FKBP9: variants seen among roughly 807,000 people sequenced by gnomAD.
The protein encoded by FKBP9 is FKBP prolyl isomerase 9, also known as peptidyl-prolyl cis-trans isomerase FKBP9.
A neutral mutation model predicts 55.6 loss-of-function variants in FKBP9; 27 were observed. The observed-to-expected ratio is 0.49, with a 90% CI of 0.36 to 0.67. The LOEUF is 0.67. Ranked by LOEUF, FKBP9 falls within the 30% of genes least tolerant of loss-of-function variation. FKBP9 has a pLI of 0.00. For missense variants in FKBP9, 539 were observed against 742.8 expected, an observed-to-expected ratio of 0.73 and a Z score of 3.19; for synonymous variants, 267 against 296.5, an observed-to-expected ratio of 0.90 and a Z score of 1.02.
intron 5 of FKBP9, among the ~76,000 whole-genome samples, chr7:32,985,898 C>G (rs1784565256): frequency 6.6e-6 from 1 of 152,136 alleles, no homozygotes. Flanking sequence ...GAGGCTGAGG[C>G]AGGAGAATCG....
At chr7:33,004,516 G>A (rs1041992469) in intron 9 of FKBP9, among the ~76,000 whole-genome samples, 30 of 152,008 alleles carry the variant, frequency 2.0e-4, no homozygotes, top group African/African-American at 7.0e-4. Flanking sequence ...TAACTTGTTC[G>A]GTCCTTTCCT....
At chr7:32,996,943 C>T (rs1360219487) in intron 7 of FKBP9, among the ~76,000 whole-genome samples, 3 of 150,994 alleles carry the variant, frequency 2.0e-5, no homozygotes, top group Non-Finnish European at 4.4e-5. Context: ...TACAGGCACC[C>T]GCCACCGCGC....
chr7:32,996,359 A>G lies in FKBP9; in HGVS notation c.1226+10A>G. Reference sequence around the variant, plus strand: ...CCCTGCTGGACTCCACGTAAGGGCAACCAGAATGGTGTGGGAGTGAGCCTG... The same window carrying G: ...CCCTGCTGGACTCCACGTAAGGGCAGCCAGAATGGTGTGGGAGTGAGCCTG... On this transcript the variant is annotated intron_variant, in intron 7 of 9. Transcript: ENST00000242209. 6 of 1,608,150 alleles carry G rather than the reference A, an allele frequency of 3.7e-6. No homozygotes were observed. In the African/African-American group the frequency reaches 5.3e-5, roughly 14 times the overall value.
At chr7:32,981,828 C>T (rs545301230) in intron 5 of FKBP9, among the ~76,000 whole-genome samples, 17 of 147,286 alleles carry the variant, frequency 1.2e-4, no homozygotes, top group African/African-American at 1.5e-4. Flanking sequence ...ACCCAGGAGG[C>T]GGAGGTTGCA....
chr7:32,962,676 C>G (rs2127975895), intron 1 of FKBP9, among the ~76,000 whole-genome samples: 1 of 151,950 alleles, frequency 6.6e-6, no homozygotes, highest in Non-Finnish European at 1.5e-5. Flanking sequence ...GTTTCGCCAC[C>G]TTGGCCAGGC....
Position 33,005,486 on chromosome 7 carries a change from G to C in FKBP9, c.*135G>C, listed in dbSNP as rs1785018816. 1.1e-6 allele frequency: 1 copy of C among 890,334 alleles called. No homozygotes were observed. The highest frequency in any genetic ancestry group is 1.7e-5 in the African/African-American group (1 of 59,542). 55.2% of individuals were successfully genotyped at this position (890,334 alleles called of 1,614,324 possible). On this transcript the variant is annotated 3_prime_UTR_variant, in exon 10 of 10. Coordinates refer to ENST00000242209, the MANE Select transcript of FKBP9 (RefSeq NM_007270.5). ...TAGTAGGTGGGTCACATAGTACCTG[G>C]TGTACACATCGGGGTGGGTTGATAT...
At chr7:32,981,826 G>A (rs534148873) in intron 5 of FKBP9, among the ~76,000 whole-genome samples, 7 of 150,696 alleles carry the variant, frequency 4.6e-5, no homozygotes, top group Non-Finnish European at 1.0e-4. Flanking sequence ...GAACCCAGGA[G>A]GCGGAGGTTG....
chr7:32,986,592 G>C (rs1241551601), intron 5 of FKBP9, among the ~76,000 whole-genome samples: 2 of 152,222 alleles, frequency 1.3e-5, no homozygotes, highest in Non-Finnish European at 2.9e-5. Flanking sequence ...GGGTGGGAAG[G>C]GGGACTCACA....
intron 4 of FKBP9, among the ~76,000 whole-genome samples, chr7:32,978,958 A>G (rs1210512956): frequency 6.6e-6 from 1 of 152,206 alleles, no homozygotes; most frequent in Non-Finnish European, 1.5e-5. Flanking sequence ...CATTTAGTAC[A>G]CATTAATGCT....
rs530978268 is a variant in FKBP9 at position 32,992,574 on chromosome 7, G to T, written c.1040-3589G>T. On this transcript the variant is annotated intron_variant, in intron 6 of 9. Coordinates refer to ENST00000242209, the MANE Select transcript of FKBP9 (RefSeq NM_007270.5). The stretch of plus-strand genomic sequence containing the variant: ...GAGCCACGTTGGACTATTTCTGCCC[G>T]TTTGCTGGTCAGCACTCATTTCTAT... 3 of 178,438 alleles carry T rather than the reference G, an allele frequency of 1.7e-5. No homozygotes were observed. The East Asian group carries it at 2.8e-4, about 17-fold the overall frequency. The allele number at this position is 178,438 out of a possible 1,614,324, so 11.1% of individuals were successfully genotyped here. A position where few individuals can be genotyped will look rare whatever the true frequency, so the allele number is the denominator to read the frequency against.
intron 4 of FKBP9, 29 bp downstream of exon 4, chr7:32,976,528 C>G (rs1171264587): frequency 1.3e-6 from 2 of 1,560,382 alleles, no homozygotes; most frequent in Admixed American, 2.0e-5. Context: ...TGGAGCCACT[C>G]TTTCCTACCC....
Position 32,994,267 on chromosome 7 carries a change from G to A in FKBP9, c.1040-1896G>A, listed in dbSNP as rs148173914. Among the ~76,000 whole-genome samples the A allele has an allele frequency of 4.4e-3, 664 of 152,156 alleles. 2 individuals are homozygous for A. Among genetic ancestry groups the A allele is most frequent in the African/African-American group, 0.015 (635 of 41,514 alleles). ...GTCCTCATCCATCCACTTCCCCCAC[G>A]CTGGCAACAGGTAGTCTATTTCTTG... On this transcript the variant is annotated intron_variant, in intron 6 of 9. Coordinates refer to ENST00000242209, the MANE Select transcript of FKBP9 (RefSeq NM_007270.5).
At chr7:32,968,107 C>T (rs1784182846) in intron 1 of FKBP9, among the ~76,000 whole-genome samples, 1 of 152,186 alleles carries the variant, frequency 6.6e-6, no homozygotes, top group Non-Finnish European at 1.5e-5. Flanking sequence ...GGCATGATCA[C>T]AGCTTACTGC....
intron 6 of FKBP9, chr7:32,989,171 C>T (rs1784635579): frequency 6.6e-6 from 1 of 151,694 alleles, no homozygotes; most frequent in African/African-American, 2.4e-5. Flanking sequence ...GTGCAAAAGC[C>T]CCTCTTTGGT....
intron 7 of FKBP9, among the ~76,000 whole-genome samples, chr7:32,997,907 T>C (rs1252209801): frequency 6.6e-6 from 1 of 152,206 alleles, no homozygotes; most frequent in Non-Finnish European, 1.5e-5. Flanking sequence ...TGTATGCTAA[T>C]GCATTTAATG....
At chr7:32,958,079 C>T (rs887020319) in intron 1 of FKBP9, among the ~76,000 whole-genome samples, 11 of 152,188 alleles carry the variant, frequency 7.2e-5, no homozygotes, top group Non-Finnish European at 1.6e-4. Flanking sequence ...CATGGACACA[C>T]GCAAAATCAG....
intron 6 of FKBP9, 135 bp downstream of exon 6, chr7:32,988,787 T>C: frequency 2.4e-6 from 2 of 834,094 alleles, no homozygotes; most frequent in Non-Finnish European, 3.7e-6. Flanking sequence ...GAAAGTGTAG[T>C]GTGTGATCAT....
chr7:32,957,728 G>T lies in FKBP9; in HGVS notation c.155G>T (p.Arg52Leu), dbSNP rs536465127. The T allele has an allele frequency of 7.9e-6, 12 of 1,523,518 alleles. No homozygotes were observed. The African/African-American group carries it at 1.3e-4, about 16-fold the overall frequency. 94.4% of individuals were successfully genotyped at this position (1,523,518 alleles called of 1,614,324 possible). A position where few individuals can be genotyped will look rare whatever the true frequency, so the allele number is the denominator to read the frequency against. The part of the protein sequence containing the change: ...FVPDECPRTV[R>L]SGDFVRYHYV... ...CCCGACGAGTGCCCGCGCACCGTGCGCAGCGGCGACTTCGTGCGCTACCAC... is the reference window on the plus strand; with the variant it reads ...CCCGACGAGTGCCCGCGCACCGTGCTCAGCGGCGACTTCGTGCGCTACCAC... The change falls in exon 1 of 10, where the codon CGC becomes CTC. Residue 52 changes from arginine (R) to leucine (L), a missense_variant. Coordinates refer to ENST00000242209, the MANE Select transcript of FKBP9 (RefSeq NM_007270.5).
intron 5 of FKBP9, among the ~76,000 whole-genome samples, chr7:32,986,663 T>C (rs1784586281): frequency 6.6e-6 from 1 of 152,212 alleles, no homozygotes; most frequent in South Asian, 2.1e-4. Flanking sequence ...AGACATCTGT[T>C]GTGATTCTTT....
Sources: gnomAD v4.1 joint callset for allele counts (sites outside exome capture counted in the v4.1 genomes callset) on GRCh38, gnomAD v4.1.1 for gene constraint, MANE v1.5 for transcripts, NCBI Gene and HGNC (gene_info 2026-07-23, HGNC 2026-07-21) for gene names.